Variants in JAZF1 observed in about 807,000 individuals in gnomAD.
JAZF1 encodes JAZF zinc finger 1.
In JAZF1, 8 loss-of-function variants were observed where a neutral mutation model predicts 26.4. The ratio of observed to expected loss-of-function variants is 0.30; its 90% confidence interval spans 0.18 to 0.55. JAZF1 has a LOEUF of 0.55. JAZF1 is among the 20% of genes least tolerant of loss of function. JAZF1 has a pLI of 0.94. For synonymous variants in JAZF1, 126 were observed against 122.3 expected (o/e 1.03, Z -0.20); for missense variants, 199 against 322.0 (o/e 0.62, Z 2.92).
intron 1 of JAZF1, among the ~76,000 whole-genome samples, chr7:28,068,236 T>C (rs904562096): frequency 6.1e-4 from 92 of 151,172 alleles, no homozygotes; most frequent in Middle Eastern, 3.4e-3. Flanking sequence ...TTTTTTTTTT[T>C]CATAAAGACA....
chr7:27,845,418 G>A (rs1012605819), intron 3 of JAZF1, among the ~76,000 whole-genome samples: 2 of 152,218 alleles, frequency 1.3e-5, no homozygotes, highest in Admixed American at 6.5e-5. Context: ...AGTGACTAGG[G>A]CTGGGCGCAG....
chr7:28,000,929 T>C (rs1173367024), intron 1 of JAZF1, among the ~76,000 whole-genome samples: 1 of 152,154 alleles, frequency 6.6e-6, no homozygotes, highest in Non-Finnish European at 1.5e-5. Flanking sequence ...AGTTCTTATT[T>C]TCTTAATGGA....
At chr7:28,123,535 A>C (rs1782638202) in intron 1 of JAZF1, among the ~76,000 whole-genome samples, 1 of 152,244 alleles carries the variant, frequency 6.6e-6, no homozygotes, top group Admixed American at 6.5e-5. Context: ...CACTCGGGAA[A>C]GATTAGCTGA....
At chr7:28,153,770 T>C (rs1257291170) in intron 1 of JAZF1, among the ~76,000 whole-genome samples, 1 of 152,154 alleles carries the variant, frequency 6.6e-6, no homozygotes, top group Non-Finnish European at 1.5e-5. Flanking sequence ...AATATGACAA[T>C]CAGAATTGAT....
rs146075146 is a variant in JAZF1 at position 27,849,417 on chromosome 7, G to A, written c.386-8550C>T. Among the ~76,000 whole-genome samples the A allele has an allele frequency of 3.2e-4, 48 of 152,346 alleles. 3 individuals carry two copies. In the Middle Eastern group the frequency reaches 0.01, roughly 32 times the overall value. The stretch of plus-strand genomic sequence containing the variant: ...CAATTTTAAAATGGTGTTCGCTAAT[G>A]TTAGAGTTTCTGCAAGAAAACGTAA... On this transcript the variant is annotated intron_variant, in intron 3 of 4. Coordinates refer to ENST00000283928, the MANE Select transcript of JAZF1 (RefSeq NM_175061.4).
chr7:27,993,132 T>G (rs114377622), intron 1 of JAZF1, among the ~76,000 whole-genome samples: 1,633 of 152,310 alleles, frequency 0.011, 30 homozygotes, highest in African/African-American at 0.038. Flanking sequence ...AAATTAAGAA[T>G]CTCATGTTCA....
chr7:27,991,948 A>G lies in JAZF1; in HGVS notation c.149T>C (p.Leu50Ser). The change falls in exon 2 of 5, where the codon TTA (leucine) becomes TCA (serine). Residue 50 changes from leucine (L) to serine (S), a missense_variant. Coordinates refer to ENST00000283928, the MANE Select transcript of JAZF1 (RefSeq NM_175061.4). Reference sequence around the variant, plus strand: ...CAGGGCAACATAGGTTGGCTGCTGTAATTCTTGTTTTTCTAAAACCCGTGG... The same window carrying G: ...CAGGGCAACATAGGTTGGCTGCTGTGATTCTTGTTTTTCTAAAACCCGTGG... Reference protein sequence around the residue: ...TDPRVLEKQELQQPTYVALSY... With the variant: ...TDPRVLEKQESQQPTYVALSY... 6.2e-7 allele frequency: 1 copy of G among 1,607,794 alleles called. No homozygotes were observed.
At chr7:28,037,335 G>C (rs1012398811) in intron 1 of JAZF1, among the ~76,000 whole-genome samples, 4 of 152,190 alleles carry the variant, frequency 2.6e-5, no homozygotes, top group Non-Finnish European at 5.9e-5. Flanking sequence ...AATTAAACCT[G>C]TCTTAATAAA....
At chr7:28,154,281 T>C (rs1272407153) in intron 1 of JAZF1, among the ~76,000 whole-genome samples, 1 of 152,344 alleles carries the variant, frequency 6.6e-6, no homozygotes, top group East Asian at 1.9e-4. Context: ...AATAAGCTGA[T>C]GTGAAATAAG....
chr7:27,882,295 C>G (rs1452820850), intron 3 of JAZF1, among the ~76,000 whole-genome samples: 1 of 151,372 alleles, frequency 6.6e-6, no homozygotes, highest in Non-Finnish European at 1.5e-5. Flanking sequence ...CCAAGCAGAG[C>G]CTAATTGGCT....
intron 2 of JAZF1, chr7:27,914,581 A>G (rs1185285525): frequency 5.7e-6 from 2 of 350,480 alleles, no homozygotes; most frequent in African/African-American, 4.3e-5. Flanking sequence ...ACTGCCAGGG[A>G]AGTAGCCCTC....
At chr7:28,018,151 G>C (rs185097834) in intron 1 of JAZF1, among the ~76,000 whole-genome samples, 1 of 152,328 alleles carries the variant, frequency 6.6e-6, no homozygotes, top group African/African-American at 2.4e-5. Context: ...AGACAGGAAG[G>C]GGTAGAACGA....
chr7:27,937,513 T>C (rs554061886), intron 2 of JAZF1, among the ~76,000 whole-genome samples: 3 of 152,328 alleles, frequency 2.0e-5, no homozygotes, highest in South Asian at 2.1e-4. Flanking sequence ...GGTTTGCTTA[T>C]AGATAACCAA....
At chr7:28,067,956 C>T (rs1002975486) in intron 1 of JAZF1, among the ~76,000 whole-genome samples, 2 of 152,156 alleles carry the variant, frequency 1.3e-5, no homozygotes, top group African/African-American at 2.4e-5. Context: ...TCTTGTTGCC[C>T]AAGCTGGAGT....
intron 3 of JAZF1, among the ~76,000 whole-genome samples, chr7:27,859,629 A>G (rs1221152742): frequency 2.0e-5 from 3 of 152,280 alleles, no homozygotes; most frequent in East Asian, 3.9e-4. Flanking sequence ...ACAGAAAACC[A>G]AACACCACAT....
intron 4 of JAZF1, among the ~76,000 whole-genome samples, chr7:27,835,369 C>T (rs1343606036): frequency 2.0e-5 from 3 of 152,178 alleles, no homozygotes; most frequent in Non-Finnish European, 2.9e-5. Context: ...ATCTGTCGTT[C>T]ACCAAGAGAA....
chr7:28,162,423 T>C (rs1342531488), intron 1 of JAZF1, among the ~76,000 whole-genome samples: 4 of 152,268 alleles, frequency 2.6e-5, no homozygotes, highest in Non-Finnish European at 5.9e-5. Context: ...TTCTACCTTA[T>C]GTGAAAGAGA....
At chr7:28,151,484 A>G (rs940454112) in intron 1 of JAZF1, among the ~76,000 whole-genome samples, 1 of 151,834 alleles carries the variant, frequency 6.6e-6, no homozygotes, top group Admixed American at 6.6e-5. Flanking sequence ...TTTATTTTCT[A>G]TATTTTCTAC....
chr7:28,033,323 T>C (rs1487905251), intron 1 of JAZF1, among the ~76,000 whole-genome samples: 1 of 152,118 alleles, frequency 6.6e-6, no homozygotes, highest in African/African-American at 2.4e-5. Flanking sequence ...GGATAAAGAC[T>C]TGAGGCTGGC....
Sources: allele counts gnomAD v4.1 joint callset (sites outside exome capture counted in the v4.1 genomes callset), GRCh38; gene constraint gnomAD v4.1.1; transcripts MANE v1.5; gene names NCBI Gene and HGNC (gene_info 2026-07-23, HGNC 2026-07-21).